The following TSPEAR variants were observed in gnomAD, a reference collection of about 807,000 sequenced individuals.
The protein encoded by TSPEAR is thrombospondin-type laminin G domain and EAR repeat-containing protein.
TSPEAR carries 69 observed loss-of-function variants against 71.6 expected under a neutral mutation model. The observed-to-expected ratio is 0.96, with a 90% CI of 0.79 to 1.18. The LOEUF is 1.18. Ranked by LOEUF, TSPEAR falls within the 50% of genes most tolerant of loss-of-function variation. The pLI is 0.00. For synonymous variants in TSPEAR, 402 were observed against 387.2 expected (o/e 1.04, Z -0.45); for missense variants, 971 against 894.9 (o/e 1.09, Z -1.09).
At chr21:44,502,805 CGGGGGGAAG>C (rs2052060400) in intron 11 of TSPEAR, among the ~76,000 whole-genome samples, 3 of 151,892 alleles carry the variant, frequency 2.0e-5, no homozygotes, top group African/African-American at 4.8e-5. Context: ...GGTGAGCCCC[CGGGGGGAAG>C]CAAGGCTCTG....
At chr21:44,640,606 A>G (rs1219873100) in intron 1 of TSPEAR, among the ~76,000 whole-genome samples, 17 of 152,246 alleles carry the variant, frequency 1.1e-4, no homozygotes, top group Non-Finnish European at 2.1e-4. Flanking sequence ...CCACTGGCCA[A>G]TGCCTCCACC....
intron 1 of TSPEAR, among the ~76,000 whole-genome samples, chr21:44,666,020 G>A (rs1392231887): frequency 6.6e-6 from 1 of 152,212 alleles, no homozygotes; most frequent in East Asian, 1.9e-4. Context: ...GGAGCCCTGG[G>A]AGAGACCACA....
At position 44,629,871 on chromosome 21, in the gene TSPEAR, G is replaced by A. The variant is rs1166605423; in HGVS notation, c.83-61866C>T. ...GGTCCCACCGCAGGAGGCACGGCTC[G>A]CTTCCAGAAGGGGAAGGTGGGGATG... On this transcript the variant is annotated intron_variant, in intron 1 of 11. Coordinates refer to ENST00000323084, the MANE Select transcript of TSPEAR (RefSeq NM_144991.3). Among the ~76,000 whole-genome samples the A allele has an allele frequency of 2.6e-5, 4 of 152,190 alleles. 1 individual carries two copies. Among genetic ancestry groups the A allele is most frequent in the South Asian group, 4.1e-4 (2 of 4,822 alleles).
chr21:44,508,712 C>G, intron 10 of TSPEAR: 1 of 1,230,274 alleles, frequency 8.1e-7, no homozygotes, highest in Non-Finnish European at 1.0e-6. Context: ...CTGGATCTCA[C>G]ATCTGTCTCA....
At chr21:44,563,395 G>A (rs2053664364) in intron 2 of TSPEAR, among the ~76,000 whole-genome samples, 1 of 152,072 alleles carries the variant, frequency 6.6e-6, no homozygotes, top group African/African-American at 2.4e-5. Context: ...GTATCTCACT[G>A]GTATTAAGTT....
At chr21:44,639,001 C>T (rs1983855784) in intron 1 of TSPEAR, among the ~76,000 whole-genome samples, 1 of 152,118 alleles carries the variant, frequency 6.6e-6, no homozygotes, top group Non-Finnish European at 1.5e-5. Flanking sequence ...TCGAGCCCAG[C>T]AGCCCAGTAT....
Position 44,581,665 on chromosome 21 carries a change from G to T in TSPEAR, c.83-13660C>A, listed in dbSNP as rs906026592. On this transcript the variant is annotated intron_variant, in intron 1 of 11. Transcript: ENST00000323084. ...GCCTTTCAATGTGGAGACTCAGGAA[G>T]TGTTTTGCGCTCTTAAAAATAACTC... Among the ~76,000 whole-genome samples the T allele has an allele frequency of 4.6e-5, 5 of 107,674 alleles. No homozygotes were observed. In the South Asian group the frequency reaches 1.9e-3, roughly 40 times the overall value. 70.6% of individuals were successfully genotyped at this position (107,674 alleles called of 152,430 possible). A position where few individuals can be genotyped will look rare whatever the true frequency, so the allele number is the denominator to read the frequency against.
intron 1 of TSPEAR, chr21:44,702,426 C>T: frequency 6.2e-7 from 1 of 1,610,020 alleles, no homozygotes; most frequent in African/African-American, 1.3e-5. Context: ...AGTCTAGCTG[C>T]CAGCCAGCTT....
At chr21:44,629,833 G>A (rs587742188) in intron 1 of TSPEAR, among the ~76,000 whole-genome samples, 2 of 152,312 alleles carry the variant, frequency 1.3e-5, no homozygotes, top group Non-Finnish European at 2.9e-5. Flanking sequence ...GGCTCATAAG[G>A]GGAACTCTCA....
chr21:44,563,329 C>T (rs1301154154), intron 2 of TSPEAR, among the ~76,000 whole-genome samples: 4 of 151,916 alleles, frequency 2.6e-5, no homozygotes, highest in Non-Finnish European at 4.4e-5. Context: ...ATATATATAA[C>T]AACAAGACTA....
intron 9 of TSPEAR, among the ~76,000 whole-genome samples, chr21:44,510,213 A>AG (rs1364926514): frequency 6.6e-6 from 1 of 151,974 alleles, no homozygotes; most frequent in Non-Finnish European, 1.5e-5. Flanking sequence ...TGCACGGGGA[A>AG]GGGGAAGGCT....
chr21:44,601,896 A>T, intron 1 of TSPEAR: 1 of 1,028,302 alleles, frequency 9.7e-7, no homozygotes. Flanking sequence ...GAAGCAGCTC[A>T]GCTGTTTCTC....
rs150701005 is a variant in TSPEAR, at chr21:44,565,832, T to C, written c.303+1953A>G. Among the ~76,000 whole-genome samples the C allele has an allele frequency of 2.7e-3, 413 of 152,302 alleles. 4 individuals carry two copies. The highest frequency in any genetic ancestry group is 0.02 in the Middle Eastern group (6 of 294). On this transcript the variant is annotated intron_variant, in intron 2 of 11. Transcript: ENST00000323084. ...TCATCTCTATTCACAGATGATATAA[T>C]CTTATATATAGAAAATCCTAAGAAA...
intron 1 of TSPEAR, among the ~76,000 whole-genome samples, chr21:44,706,316 C>G (rs1987912377): frequency 6.6e-6 from 1 of 152,232 alleles, no homozygotes; most frequent in Non-Finnish European, 1.5e-5. Context: ...CACACACCCA[C>G]ACGCACACAC....
chr21:44,640,367 A>T (rs928875814), intron 1 of TSPEAR, among the ~76,000 whole-genome samples: 4 of 152,186 alleles, frequency 2.6e-5, no homozygotes, highest in Non-Finnish European at 4.4e-5. Flanking sequence ...GAAGTAGATG[A>T]GTGTGTGACC....
Position 44,522,028 on chromosome 21 carries a change from G to C in TSPEAR, c.1421C>G (p.Ser474Cys). 1 of 1,614,204 alleles carries C rather than the reference G, an allele frequency of 6.2e-7. No homozygotes were observed. The highest frequency in any genetic ancestry group is 8.5e-7 in the Non-Finnish European group (1 of 1,180,024). ...GAAGAACTCCCAGTCGTAGGCGCCG[G>C]AGGTGGCGATGGTCTGGTTGGCCTC... ...LFEANQTIATSGAYDWEFFSV... is the reference protein window; with the variant it reads ...LFEANQTIATCGAYDWEFFSV... The change falls in exon 9 of 12, where the codon TCC becomes TGC. Residue 474 changes from serine (S) to cysteine (C), a missense_variant. By Grantham distance (112) the Ser-to-Cys change is moderately radical. Coordinates refer to ENST00000323084, the MANE Select transcript of TSPEAR (RefSeq NM_144991.3).
chr21:44,614,325 C>G (rs1422967347), intron 1 of TSPEAR, among the ~76,000 whole-genome samples: 3 of 152,286 alleles, frequency 2.0e-5, no homozygotes, highest in Admixed American at 2.0e-4. Flanking sequence ...GCATCACCAG[C>G]ATGGGGACAG....
chr21:44,682,669 A>G (rs1404310163), intron 1 of TSPEAR, among the ~76,000 whole-genome samples: 1 of 152,236 alleles, frequency 6.6e-6, no homozygotes, highest in East Asian at 1.9e-4. Flanking sequence ...AGCAGTGCAG[A>G]CTGTGCTTCC....
At chr21:44,510,317 CTG>C (rs1358182225) in intron 9 of TSPEAR, among the ~76,000 whole-genome samples, 2 of 152,350 alleles carry the variant, frequency 1.3e-5, no homozygotes, top group African/African-American at 2.4e-5. Flanking sequence ...TGCTGCGGGG[CTG>C]TGTCTCTTCC....
Sources: gnomAD v4.1 joint callset for allele counts (sites outside exome capture counted in the v4.1 genomes callset) on GRCh38, gnomAD v4.1.1 for gene constraint, MANE v1.5 for transcripts, NCBI Gene and HGNC (gene_info 2026-07-23, HGNC 2026-07-21) for gene names.